The following DLGAP2 variants were observed in gnomAD, a reference collection of about 807,000 sequenced individuals.
DLGAP2 encodes the protein DLG associated protein 2, also known as disks large-associated protein 2.
Under a neutral mutation model 100.3 loss-of-function variants are expected in DLGAP2, and 26 were observed. The ratio of observed to expected loss-of-function variants is 0.26; its 90% confidence interval spans 0.19 to 0.36. The LOEUF is 0.36. DLGAP2 is among the 10% of genes least tolerant of loss of function. The probability of loss-of-function intolerance (pLI) is 1.00; values close to 1 mark genes in which losing one functional copy is unlikely to be tolerated. For synonymous variants in DLGAP2, 886 were observed against 630.1 expected, an observed-to-expected ratio of 1.41 and a Z score of -6.08; for missense variants, 1,858 against 1,453.2, an observed-to-expected ratio of 1.28 and a Z score of -4.53.
intron 1 of DLGAP2, chr8:753,976 C>G (rs1820857471): frequency 6.6e-6 from 1 of 152,190 alleles, no homozygotes; most frequent in Non-Finnish European, 1.5e-5. Context: ...CACTTTAATT[C>G]CCCATTCAAC....
intron 3 of DLGAP2, among the ~76,000 whole-genome samples, chr8:1,289,261 T>C (rs1195286556): frequency 1.3e-5 from 2 of 152,242 alleles, no homozygotes; most frequent in Admixed American, 1.3e-4. Flanking sequence ...GTAAGTTTGC[T>C]ATAGGATTGC....
chr8:787,940 A>G (rs1328402915), intron 1 of DLGAP2, among the ~76,000 whole-genome samples: 1 of 152,106 alleles, frequency 6.6e-6, no homozygotes, highest in Non-Finnish European at 1.5e-5. Flanking sequence ...GTATGGTGGC[A>G]TTCCAGGTCT....
chr8:1,092,568 C>T (rs890852172), intron 2 of DLGAP2, among the ~76,000 whole-genome samples: 3 of 152,210 alleles, frequency 2.0e-5, no homozygotes, highest in Non-Finnish European at 2.9e-5. Flanking sequence ...CTGTGGCATC[C>T]ACAGGTGGAC....
chr8:1,523,853 G>T (rs1800699275), intron 4 of DLGAP2, among the ~76,000 whole-genome samples: 1 of 152,330 alleles, frequency 6.6e-6, no homozygotes, highest in African/African-American at 2.4e-5. Context: ...GAATAAAACA[G>T]TTCAGCTTCA....
intron 3 of DLGAP2, among the ~76,000 whole-genome samples, chr8:1,344,975 G>A (rs1310486216): frequency 1.3e-5 from 2 of 152,186 alleles, no homozygotes; most frequent in East Asian, 1.9e-4. Flanking sequence ...GGGCTAGACC[G>A]CCAGTTAATC....
intron 2 of DLGAP2, among the ~76,000 whole-genome samples, chr8:1,122,435 T>C (rs1796070386): frequency 6.6e-6 from 1 of 152,234 alleles, no homozygotes; most frequent in South Asian, 2.1e-4. Context: ...CTGGGAGCTC[T>C]GTTACTGCCA....
chr8:1,189,267 C>T (rs374097074), intron 2 of DLGAP2, among the ~76,000 whole-genome samples: 8 of 152,224 alleles, frequency 5.3e-5, no homozygotes, highest in East Asian at 1.9e-4. Flanking sequence ...CGGGCCCCAG[C>T]GGGAGTCACT....
At chr8:1,275,088 C>T (rs1799655985) in intron 3 of DLGAP2, among the ~76,000 whole-genome samples, 1 of 152,170 alleles carries the variant, frequency 6.6e-6, no homozygotes. Context: ...GAGAGGATCC[C>T]TGAGGACCTG....
At position 878,230 on chromosome 8, in the gene DLGAP2, A is replaced by G. The variant is rs557472279; in HGVS notation, c.19-29682A>G. On this transcript the variant is annotated intron_variant, in intron 1 of 14. Coordinates refer to ENST00000637795, the MANE Select transcript of DLGAP2 (RefSeq NM_001346810.2). ...AGGAAAGTTGAATTTATAGACAGAG[A>G]TGGAATAATTAATAGAAACAAATTC... Among the ~76,000 whole-genome samples the G allele has an allele frequency of 2.4e-3, 373 of 152,252 alleles. 1 individual carries two copies. Among genetic ancestry groups the G allele is most frequent in the African/African-American group, 8.6e-3 (357 of 41,550 alleles).
intron 13 of DLGAP2, among the ~76,000 whole-genome samples, chr8:1,693,927 C>A (rs1245476937): frequency 6.6e-6 from 1 of 152,172 alleles, no homozygotes; most frequent in Non-Finnish European, 1.5e-5. Flanking sequence ...GGAATTGATT[C>A]GGGCCACTGA....
chr8:1,116,730 G>A (rs767211800), intron 2 of DLGAP2, among the ~76,000 whole-genome samples: 1 of 152,132 alleles, frequency 6.6e-6, no homozygotes, highest in Non-Finnish European at 1.5e-5. Context: ...GAGTTCAGGA[G>A]GTCAAGGCTA....
chr8:928,378 C>A (rs1261171071), intron 2 of DLGAP2, among the ~76,000 whole-genome samples: 2 of 152,022 alleles, frequency 1.3e-5, no homozygotes, highest in Non-Finnish European at 2.9e-5. Flanking sequence ...TTACGGAGGT[C>A]GAGAATGTGT....
chr8:798,077 G>A (rs144943062), intron 1 of DLGAP2, among the ~76,000 whole-genome samples: 1 of 152,296 alleles, frequency 6.6e-6, no homozygotes, highest in East Asian at 1.9e-4. Flanking sequence ...CTGCTCCCGA[G>A]GCCCCTGTTG....
intron 2 of DLGAP2, among the ~76,000 whole-genome samples, chr8:1,070,628 ATGTGAAAAGTGTGAG>A (rs1344328918): frequency 6.6e-6 from 1 of 152,168 alleles, no homozygotes; most frequent in Non-Finnish European, 1.5e-5. Flanking sequence ...ACATACGCGT[ATGTGAAAAGTGTGAG>A]TGTGTCTGTT....
intron 3 of DLGAP2, among the ~76,000 whole-genome samples, chr8:1,338,482 A>C (rs34363596): frequency 0.43 from 66,003 of 152,106 alleles, 17,514 homozygotes; most frequent in African/African-American, 0.75. Context: ...GTCTGGGGGC[A>C]GGAAGGAAGG....
intron 3 of DLGAP2, among the ~76,000 whole-genome samples, chr8:1,468,935 G>T (rs1323383622): frequency 1.3e-5 from 2 of 152,134 alleles, no homozygotes; most frequent in African/African-American, 4.8e-5. Flanking sequence ...TCCTTAGAAA[G>T]ACATCGTCCT....
intron 3 of DLGAP2, among the ~76,000 whole-genome samples, chr8:1,291,983 C>T (rs929880685): frequency 7.9e-5 from 12 of 152,182 alleles, no homozygotes; most frequent in Admixed American, 3.9e-4. Flanking sequence ...ACATGAGAGG[C>T]TTTCAATAAA....
chr8:1,664,066 C>G (rs1331867423), intron 8 of DLGAP2, among the ~76,000 whole-genome samples: 1 of 152,188 alleles, frequency 6.6e-6, no homozygotes, highest in Non-Finnish European at 1.5e-5. Context: ...TCCACTGATA[C>G]CAAACCCTCC....
chr8:965,769 C>CA (rs1799853257), intron 2 of DLGAP2, among the ~76,000 whole-genome samples: 1 of 138,192 alleles, frequency 7.2e-6, no homozygotes, highest in Non-Finnish European at 1.6e-5. Context: ...GACCCCTGCG[C>CA]TGCACACGGC....
Sources: allele counts gnomAD v4.1 joint callset (sites outside exome capture counted in the v4.1 genomes callset), GRCh38; gene constraint gnomAD v4.1.1; transcripts MANE v1.5; gene names NCBI Gene and HGNC (gene_info 2026-07-23, HGNC 2026-07-21).